ZNF777: variants seen among roughly 807,000 people sequenced by gnomAD.
ZNF777 encodes zinc finger protein 777.
ZNF777 carries 7 observed loss-of-function variants against 72.1 expected under a neutral mutation model. The ratio of observed to expected loss-of-function variants is 0.10; its 90% CI spans 0.06 to 0.18. The LOEUF (loss-of-function observed/expected upper bound fraction) is 0.18. ZNF777 is among the 10% of genes least tolerant of loss of function. The pLI is 1.00. For missense variants in ZNF777, 828 were observed against 1,128.6 expected, an observed-to-expected ratio of 0.73 and a Z score of 3.82; for synonymous variants, 545 against 483.5, an observed-to-expected ratio of 1.13 and a Z score of -1.67.
At chr7:149,454,702 T>C (rs1257022557) in intron 2 of ZNF777, among the ~76,000 whole-genome samples, 2 of 152,214 alleles carry the variant, frequency 1.3e-5, no homozygotes, top group African/African-American at 4.8e-5. Context: ...GAAAATAATA[T>C]GGAAACCTAA....
intron 4 of ZNF777, among the ~76,000 whole-genome samples, chr7:149,441,700 A>C (rs571965320): frequency 2.3e-4 from 35 of 152,334 alleles, no homozygotes; most frequent in African/African-American, 8.4e-4. Flanking sequence ...CAAATGTATT[A>C]AACCTTTGTG....
At chr7:149,451,703 A>G (rs968872417) in intron 3 of ZNF777, among the ~76,000 whole-genome samples, 1 of 152,198 alleles carries the variant, frequency 6.6e-6, no homozygotes, top group African/African-American at 2.4e-5. Context: ...AAAAAAGAAA[A>G]AAACAAAAAA....
intron 5 of ZNF777, among the ~76,000 whole-genome samples, chr7:149,435,503 A>G (rs1026474122): frequency 2.6e-5 from 4 of 152,210 alleles, no homozygotes; most frequent in Admixed American, 1.3e-4. Context: ...CGAGATGGTC[A>G]TTAATAAAAT....
chr7:149,434,528 G>C (rs1400032999), intron 5 of ZNF777, among the ~76,000 whole-genome samples: 2 of 152,166 alleles, frequency 1.3e-5, no homozygotes, highest in Admixed American at 6.5e-5. Context: ...GGGGAAAATA[G>C]ATCCTGAGAA....
At chr7:149,456,081 C>A in intron 1 of ZNF777, 44 bp from the exon 2 acceptor site, 1 of 1,498,946 alleles carries the variant, frequency 6.7e-7, no homozygotes. Flanking sequence ...AGGCCACAGT[C>A]TCCAGCTAGC....
intron 1 of ZNF777, among the ~76,000 whole-genome samples, chr7:149,456,838 G>T (rs1355121798): frequency 6.6e-6 from 1 of 152,176 alleles, no homozygotes; most frequent in Non-Finnish European, 1.5e-5. Flanking sequence ...TCTTCTATGT[G>T]CCCGGCCCCT....
intron 3 of ZNF777, among the ~76,000 whole-genome samples, chr7:149,451,719 C>T (rs999912510): frequency 2.6e-5 from 4 of 151,886 alleles, no homozygotes; most frequent in East Asian, 3.9e-4. Flanking sequence ...AAAAACTAAT[C>T]CTGATAAAAA....
Position 149,460,376 on chromosome 7 carries a change from T to G in ZNF777, c.-16+439A>C, listed in dbSNP as rs192050169. Among the ~76,000 whole-genome samples the G allele has an allele frequency of 0.056, 8,115 of 145,340 alleles. 759 individuals are homozygous for G. Among genetic ancestry groups the G allele is most frequent in the African/African-American group, 0.19 (7,699 of 40,596 alleles). On this transcript the variant is annotated intron_variant, in intron 1 of 5. Coordinates refer to ENST00000247930, the MANE Select transcript of ZNF777 (RefSeq NM_015694.3). This position sits in a 1 kb window ranked among gnomAD's most constrained non-coding sequence, Gnocchi z 6.1. ...GGAGCCCGAGCGGCGGCGTCGGAGCTGGGCGCGCGGCTGTGCGGGCGGCCC... is the reference window on the plus strand; with the variant it reads ...GGAGCCCGAGCGGCGGCGTCGGAGCGGGGCGCGCGGCTGTGCGGGCGGCCC...
In ZNF777 at chr7:149,432,423, G is replaced by A. The variant is rs370734348; in HGVS notation, c.1849C>T (p.Leu617Phe). 2.5e-6 allele frequency: 4 copies of A among 1,613,448 alleles called. No homozygotes were observed. In the African/African-American group the frequency reaches 5.3e-5, roughly 21 times the overall value. The change falls in exon 6 of 6, where the codon CTC becomes TTC. Residue 617 changes from leucine (L) to phenylalanine (F), a missense_variant. Leu to Phe is a conservative substitution (Grantham distance 22). Transcript: ENST00000247930. ...CTGGGTGACTTGGGACGCGGCTTGAGCGCGTGCTTGGGGTTGAACGTGGGC... is the reference window on the plus strand; with the variant it reads ...CTGGGTGACTTGGGACGCGGCTTGAACGCGTGCTTGGGGTTGAACGTGGGC... ...RGPTFNPKHA[L>F]KPRPKSPSSG...
intron 2 of ZNF777, among the ~76,000 whole-genome samples, chr7:149,454,709 C>T (rs1430727905): frequency 1.3e-5 from 2 of 152,208 alleles, no homozygotes; most frequent in Non-Finnish European, 2.9e-5. Flanking sequence ...ATATGGAAAC[C>T]TAACTTCTCT....
chr7:149,438,915 G>A (rs777480799), intron 4 of ZNF777, among the ~76,000 whole-genome samples: 12 of 152,118 alleles, frequency 7.9e-5, no homozygotes, highest in Non-Finnish European at 1.0e-4. Context: ...TTACCCCCCC[G>A]CCACAGCCTT....
chr7:149,456,514 T>A (rs889425199), intron 1 of ZNF777, among the ~76,000 whole-genome samples: 1 of 152,126 alleles, frequency 6.6e-6, no homozygotes, highest in African/African-American at 2.4e-5. Flanking sequence ...CATAAAACTT[T>A]GAGAAACAAA....
intron 4 of ZNF777, among the ~76,000 whole-genome samples, chr7:149,437,769 A>AAC (rs1799438967): frequency 6.6e-6 from 1 of 150,590 alleles, no homozygotes; most frequent in African/African-American, 2.4e-5. Flanking sequence ...TGTTATTCTA[A>AAC]ACAACACATA....
intron 4 of ZNF777, among the ~76,000 whole-genome samples, chr7:149,445,142 C>T (rs985232579): frequency 1.3e-5 from 2 of 152,024 alleles, no homozygotes; most frequent in Non-Finnish European, 2.9e-5. Flanking sequence ...TCCTGAGTCT[C>T]TAATTTGTAC....
In ZNF777 at chr7:149,451,016, G is replaced by A. The variant is rs766170599; in HGVS notation, c.1070C>T (p.Pro357Leu). ...EQEDSEEGET[P>L]TDPSAAHDGI... is the part of the protein sequence containing the mutation. ...CCACTCACCAGCACTGGGATCTGTC[G>A]GCGTTTCGCCCTCCTCAGAGTCTTC... Residue 357 changes from proline (P) to leucine (L), a missense_variant, in exon 4 of 6, where the codon CCG becomes CTG. Around this residue, in one of 12 missense-constraint regions of ZNF777, gnomAD observed 73 missense variants for 90.6 expected, o/e 0.81. Coordinates refer to ENST00000247930, the MANE Select transcript of ZNF777 (RefSeq NM_015694.3). 1.3e-5 allele frequency: 21 copies of A among 1,613,626 alleles called. No individual in the cohort carries two copies. The highest frequency in any genetic ancestry group is 7.7e-5 in the South Asian group (7 of 91,076).
chr7:149,449,021 G>A lies in ZNF777; in HGVS notation c.1087+1978C>T, dbSNP rs1280529911. On this transcript the variant is annotated intron_variant, in intron 4 of 5. Coordinates refer to ENST00000247930, the MANE Select transcript of ZNF777 (RefSeq NM_015694.3). ...TTTACCCCTTTGTCTCATACTTTTG[G>A]TCTGGCCCATGGCTGGATTTGCTGC... Among the ~76,000 whole-genome samples the A allele has an allele frequency of 2.0e-5, 3 of 152,258 alleles. No homozygotes were observed. In the East Asian group the frequency reaches 5.8e-4, roughly 29 times the overall value.
chr7:149,436,945 A>C lies in ZNF777; in HGVS notation c.1088-119T>G. ...AATAAGTCTTATCTTAGAGACCCTG[A>C]AGAAATGTAATATTGAGTTGGAAAT... On this transcript the variant is annotated intron_variant, in intron 4 of 5. Coordinates refer to ENST00000247930, the MANE Select transcript of ZNF777 (RefSeq NM_015694.3). The surrounding 1 kb of genome is among the most constrained non-coding windows in gnomAD (Gnocchi z 5.0). The C allele has an allele frequency of 7.8e-7, 1 of 1,286,292 alleles. No homozygotes were observed. Among genetic ancestry groups the C allele is most frequent in the Non-Finnish European group, 1.1e-6 (1 of 939,058 alleles). 79.7% of individuals were successfully genotyped at this position (1,286,292 alleles called of 1,614,324 possible).
chr7:149,440,678 T>TTG (rs1277712867), intron 4 of ZNF777, among the ~76,000 whole-genome samples: 1 of 146,298 alleles, frequency 6.8e-6, no homozygotes, highest in African/African-American at 2.7e-5. Flanking sequence ...TTTTTGTTTT[T>TTG]TTTTTTTTTT....
intron 5 of ZNF777, among the ~76,000 whole-genome samples, chr7:149,434,105 A>C (rs1799372849): frequency 2.0e-5 from 3 of 152,164 alleles, no homozygotes; most frequent in South Asian, 4.1e-4. Flanking sequence ...CCCATTTTAC[A>C]GATGGGTCAT....
Sources: gnomAD v4.1 joint callset for allele counts (sites outside exome capture counted in the v4.1 genomes callset) on GRCh38, gnomAD v4.1.1 for gene constraint, gnomAD v4.1.1 regional missense constraint, Gnocchi (gnomAD v3.1) non-coding constraint, MANE v1.5 for transcripts, NCBI Gene and HGNC (gene_info 2026-07-23, HGNC 2026-07-21) for gene names.